Variants in NRXN3 observed in about 807,000 individuals in gnomAD.
NRXN3 encodes neurexin III.
NRXN3 carries 32 observed loss-of-function variants against 137.6 expected under a neutral mutation model. The ratio of observed to expected loss-of-function variants is 0.23; its 90% CI spans 0.18 to 0.31. NRXN3 has a LOEUF of 0.31. NRXN3 is among the 10% of genes least tolerant of loss of function. The pLI is 1.00. For synonymous variants in NRXN3, 798 were observed against 784.5 expected (o/e 1.02, Z -0.29); for missense variants, 1,574 against 2,062.5 (o/e 0.76, Z 4.59).
intron 4 of NRXN3, among the ~76,000 whole-genome samples, chr14:78,308,227 T>C (rs1268811657): frequency 2.0e-5 from 3 of 152,130 alleles, no homozygotes; most frequent in Non-Finnish European, 2.9e-5. Flanking sequence ...ATCTGAAATT[T>C]GGAGCCTATT....
At chr14:79,267,229 A>T (rs561313151) in intron 15 of NRXN3, among the ~76,000 whole-genome samples, 1 of 152,220 alleles carries the variant, frequency 6.6e-6, no homozygotes, top group Non-Finnish European at 1.5e-5. Context: ...TCTCTTTCTA[A>T]AAGCATTGCT....
intron 15 of NRXN3, among the ~76,000 whole-genome samples, chr14:79,199,134 T>G (rs1199535487): frequency 1.3e-5 from 2 of 151,474 alleles, no homozygotes; most frequent in Non-Finnish European, 2.9e-5. Context: ...GCCACTGCGC[T>G]CCAGCCTGGG....
chr14:78,554,839 G>A (rs2096723731), intron 4 of NRXN3, among the ~76,000 whole-genome samples: 1 of 152,180 alleles, frequency 6.6e-6, no homozygotes, highest in Non-Finnish European at 1.5e-5. Context: ...ACTTTGAACA[G>A]CTAACTCCAT....
intron 4 of NRXN3, among the ~76,000 whole-genome samples, chr14:78,419,938 C>T (rs567504741): frequency 9.8e-5 from 11 of 112,718 alleles, no homozygotes; most frequent in African/African-American, 3.4e-4. Flanking sequence ...TCTGTGTGCA[C>T]GTGTGTGCGC....
At chr14:78,355,988 A>C (rs2084247294) in intron 4 of NRXN3, among the ~76,000 whole-genome samples, 1 of 152,218 alleles carries the variant, frequency 6.6e-6, no homozygotes, top group South Asian at 2.1e-4. Context: ...GGGCAACTTT[A>C]AACTTTCCTT....
At chr14:78,819,270 G>A (rs1439222528) in intron 10 of NRXN3, among the ~76,000 whole-genome samples, 1 of 152,006 alleles carries the variant, frequency 6.6e-6, no homozygotes, top group Non-Finnish European at 1.5e-5. Context: ...AATTCTGTAA[G>A]TACAGTTGGT....
At chr14:79,162,047 A>G (rs2060824278) in intron 15 of NRXN3, among the ~76,000 whole-genome samples, 1 of 151,688 alleles carries the variant, frequency 6.6e-6, no homozygotes, top group African/African-American at 2.4e-5. Flanking sequence ...GGGGGTTTGA[A>G]TAGTCTTTCC....
intron 8 of NRXN3, among the ~76,000 whole-genome samples, chr14:78,790,830 C>T (rs1414969792): frequency 2.6e-5 from 4 of 152,140 alleles, no homozygotes; most frequent in African/African-American, 4.8e-5. Flanking sequence ...TGAACGTCAG[C>T]TTGATATGCT....
intron 15 of NRXN3, among the ~76,000 whole-genome samples, chr14:79,415,708 A>G (rs2095487222): frequency 6.6e-6 from 1 of 152,116 alleles, no homozygotes; most frequent in African/African-American, 2.4e-5. Flanking sequence ...ACATTCATGT[A>G]ACAATCGCCA....
chr14:78,995,985 C>T (rs936844559), intron 15 of NRXN3, among the ~76,000 whole-genome samples: 5 of 151,986 alleles, frequency 3.3e-5, no homozygotes, highest in Non-Finnish European at 5.9e-5. Context: ...TCTGGGCCCC[C>T]GCTAACAATA....
intron 15 of NRXN3, among the ~76,000 whole-genome samples, chr14:79,270,138 A>G (rs2079082554): frequency 1.3e-5 from 2 of 152,218 alleles, no homozygotes; most frequent in African/African-American, 2.4e-5. Context: ...TAGAGGTTAT[A>G]TACTCCATCC....
chr14:79,159,087 T>G (rs940909603), intron 15 of NRXN3, among the ~76,000 whole-genome samples: 1 of 151,900 alleles, frequency 6.6e-6, no homozygotes, highest in Non-Finnish European at 1.5e-5. Context: ...ACTCTCATAA[T>G]AAGCAGGTGT....
intron 16 of NRXN3, among the ~76,000 whole-genome samples, chr14:79,544,663 A>G (rs1555514080): frequency 6.6e-6 from 1 of 151,990 alleles, no homozygotes; most frequent in Admixed American, 6.6e-5. Context: ...CAATAGTTCT[A>G]TGAATTGAAA....
chr14:78,330,984 T>G (rs2080750670), intron 4 of NRXN3, among the ~76,000 whole-genome samples: 2 of 152,270 alleles, frequency 1.3e-5, no homozygotes, highest in Non-Finnish European at 2.9e-5. Flanking sequence ...CTTGTATATT[T>G]GAAACATTGG....
chr14:79,085,597 C>A (rs1191888678), intron 15 of NRXN3, among the ~76,000 whole-genome samples: 2 of 152,056 alleles, frequency 1.3e-5, no homozygotes, highest in African/African-American at 4.8e-5. Flanking sequence ...TCATTTCTAG[C>A]ATTAACTTAG....
At chr14:78,550,555 A>G (rs1195255558) in intron 4 of NRXN3, among the ~76,000 whole-genome samples, 1 of 151,956 alleles carries the variant, frequency 6.6e-6, no homozygotes, top group Non-Finnish European at 1.5e-5. Context: ...AAAAAAATTC[A>G]TGCCAGAATT....
chr14:79,751,886 A>G (rs28863813), intron 19 of NRXN3, among the ~76,000 whole-genome samples: 64,837 of 143,308 alleles, frequency 0.45, 10,523 homozygotes, highest in Middle Eastern at 0.51. Context: ...ATTGATTTGC[A>G]TATATTGAAC....
intron 20 of NRXN3, among the ~76,000 whole-genome samples, chr14:79,853,021 T>A (rs1481320587): frequency 6.6e-6 from 1 of 152,180 alleles, no homozygotes; most frequent in Non-Finnish European, 1.5e-5. Context: ...AGCTGCAGAA[T>A]CCTCACATCC....
chr14:79,165,889 C>A (rs554055246), intron 15 of NRXN3, among the ~76,000 whole-genome samples: 1 of 152,102 alleles, frequency 6.6e-6, no homozygotes, highest in African/African-American at 2.4e-5. Context: ...TGCCTGATGG[C>A]TATGCCAGGT....
Sources: allele counts gnomAD v4.1 joint callset (sites outside exome capture counted in the v4.1 genomes callset), GRCh38; gene constraint gnomAD v4.1.1; transcripts MANE v1.5; gene names NCBI Gene and HGNC (gene_info 2026-07-23, HGNC 2026-07-21).